The following GPC3 variants were observed in gnomAD, a reference collection of about 807,000 sequenced individuals.
GPC3 encodes the protein glypican-3.
GPC3 carries 3 observed loss-of-function variants against 34.4 expected under a neutral mutation model. The ratio of observed to expected loss-of-function variants is 0.09; its 90% confidence interval spans 0.04 to 0.23. The LOEUF is 0.23. Ranked by LOEUF, GPC3 falls within the 10% of genes least tolerant of loss-of-function variation. The pLI, the probability that GPC3 is intolerant of heterozygous loss-of-function variation, is 1.00. For synonymous variants in GPC3, 177 were observed against 174.0 expected (o/e 1.02, Z -0.13); for missense variants, 351 against 445.6 (o/e 0.79, Z 1.91).
intron 3 of GPC3, among the ~76,000 whole-genome samples, chrX:133,738,366 G>A (rs951379375): frequency 3.6e-5 from 4 of 111,365 alleles, no homozygotes; most frequent in South Asian, 3.8e-4. Context: ...GTGATAACCC[G>A]TAATCCCAAG....
intron 2 of GPC3, among the ~76,000 whole-genome samples, chrX:133,773,818 T>C (rs892689966): frequency 8.1e-5 from 9 of 111,572 alleles, no homozygotes; most frequent in Non-Finnish European, 1.5e-4. Flanking sequence ...GAGTATAGTG[T>C]TGTCTCAAAT....
chrX:133,962,987 C>T (rs2076448000), intron 1 of GPC3, among the ~76,000 whole-genome samples: 1 of 112,085 alleles, frequency 8.9e-6, no homozygotes. Flanking sequence ...AGGGATTGGA[C>T]TAGCAAATCT....
In GPC3 at chrX:133,609,169, C is replaced by T. The variant is rs763454478; in HGVS notation, c.1414-12570G>A. On this transcript the variant is annotated intron_variant, in intron 6 of 7. Coordinates refer to ENST00000370818, the MANE Select transcript of GPC3 (RefSeq NM_004484.4). ...TTAAATATAAAAAACTGGGACATAT[C>T]CTAAAACAGTGCTTTGTTTGGCAAA... is the stretch of plus-strand genomic sequence containing the variant. 3.1e-4 allele frequency among the ~76,000 whole-genome samples: 35 copies of T among 112,121 alleles called. No individual in the cohort carries two copies. In the South Asian group the frequency reaches 8.3e-3, roughly 26 times the overall value.
intron 6 of GPC3, among the ~76,000 whole-genome samples, chrX:133,599,980 T>C (rs1273057232): frequency 1.8e-5 from 2 of 111,745 alleles, no homozygotes; most frequent in Non-Finnish European, 3.8e-5. Context: ...ACAGTCATTA[T>C]AGCTCTCCCT....
chrX:133,618,312 C>T (rs2070188746), intron 6 of GPC3, among the ~76,000 whole-genome samples: 1 of 111,419 alleles, frequency 9.0e-6, no homozygotes, highest in African/African-American at 3.3e-5. Flanking sequence ...AAATATAAGA[C>T]AGATTTTTTT....
At chrX:133,795,456 C>G (rs903700269) in intron 2 of GPC3, among the ~76,000 whole-genome samples, 8 of 111,142 alleles carry the variant, frequency 7.2e-5, no homozygotes, top group Non-Finnish European at 1.1e-4. Context: ...GTTGCAGTGC[C>G]TGGTCAAGGT....
chrX:133,631,918 A>T lies in GPC3; in HGVS notation c.1413+29812T>A, dbSNP rs767722444. 4.4e-3 allele frequency among the ~76,000 whole-genome samples: 454 copies of T among 103,588 alleles called. 2 individuals carry two copies. The highest frequency in any genetic ancestry group is 0.016 in the African/African-American group (432 of 27,169). The allele number at this position is 103,588 out of a possible 115,157, so 90.0% of individuals were successfully genotyped here. ...TGTGCTTGCTGAAGGAGCACGTATT[A>T]AAAAAAAAACAAACTCAAACCAACA... On this transcript the variant is annotated intron_variant, in intron 6 of 7. Transcript: ENST00000370818.
intron 6 of GPC3, among the ~76,000 whole-genome samples, chrX:133,658,511 C>G (rs188157370): frequency 8.9e-6 from 1 of 111,777 alleles, no homozygotes; most frequent in African/African-American, 3.2e-5. Context: ...TCATCATCAT[C>G]ATGACTTTCT....
At chrX:133,558,683 G>C (rs1267983953) in intron 7 of GPC3, among the ~76,000 whole-genome samples, 1 of 110,004 alleles carries the variant, frequency 9.1e-6, no homozygotes, top group African/African-American at 3.3e-5. Flanking sequence ...ACGAGGTCAG[G>C]AGTTCAAGAC....
At chrX:133,801,353 C>T (rs886287501) in intron 2 of GPC3, among the ~76,000 whole-genome samples, 26 of 111,600 alleles carry the variant, frequency 2.3e-4, no homozygotes, top group South Asian at 3.8e-4. Flanking sequence ...TAAGCAATGG[C>T]GCTGTTGCTT....
intron 2 of GPC3, among the ~76,000 whole-genome samples, chrX:133,779,956 G>A (rs918308824): frequency 1.8e-5 from 2 of 111,401 alleles, no homozygotes; most frequent in African/African-American, 6.5e-5. Context: ...GTAATGTGGC[G>A]TTAGATCACA....
chrX:133,624,965 C>T (rs1338806267), intron 6 of GPC3, among the ~76,000 whole-genome samples: 1 of 111,910 alleles, frequency 8.9e-6, no homozygotes, highest in Admixed American at 9.5e-5. Flanking sequence ...AACTTATCCA[C>T]CACGATCAAG....
At chrX:133,797,373 A>G (rs1226987911) in intron 2 of GPC3, among the ~76,000 whole-genome samples, 1 of 111,247 alleles carries the variant, frequency 9.0e-6, no homozygotes, top group Non-Finnish European at 1.9e-5. Context: ...CTTCTGCCAT[A>G]TTTATTACAT....
rs200143633 is a variant in GPC3 at position 133,721,917 on chromosome X, CA to C, written c.1033-21890del. Among the ~76,000 whole-genome samples the C allele has an allele frequency of 1.6e-3, 183 of 111,304 alleles. 1 individual carries two copies. In the East Asian group the frequency reaches 0.021, roughly 13 times the overall value. On this transcript the variant is annotated intron_variant, in intron 3 of 7. Transcript: ENST00000370818. ...ACAATGAAAGCACAAATAACCAAAG[CA>C]AAAAATAGATGAAATGGACTTCATA...
intron 7 of GPC3, among the ~76,000 whole-genome samples, chrX:133,581,742 G>A (rs1211831336): frequency 1.8e-5 from 2 of 112,019 alleles, no homozygotes; most frequent in Non-Finnish European, 3.8e-5. Flanking sequence ...ACTAAGAGGT[G>A]ACACAAAAGT....
intron 2 of GPC3, among the ~76,000 whole-genome samples, chrX:133,929,702 AAAC>A (rs1398207394): frequency 8.9e-6 from 1 of 112,297 alleles, no homozygotes; most frequent in Admixed American, 9.5e-5. Flanking sequence ...TTCTCATAAG[AAAC>A]AGCAGCAGTG....
intron 7 of GPC3, among the ~76,000 whole-genome samples, chrX:133,589,252 T>A (rs1173589126): frequency 8.9e-6 from 1 of 111,949 alleles, no homozygotes; most frequent in Non-Finnish European, 1.9e-5. Context: ...GTAGCTCCCA[T>A]AACTGCCACG....
intron 6 of GPC3, among the ~76,000 whole-genome samples, chrX:133,612,209 G>A (rs963520199): frequency 1.4e-4 from 16 of 111,561 alleles, no homozygotes; most frequent in African/African-American, 4.6e-4. Flanking sequence ...AGGTATGCCC[G>A]CCAGGAATAA....
chrX:133,559,272 T>C (rs184535988), intron 7 of GPC3, among the ~76,000 whole-genome samples: 12 of 111,566 alleles, frequency 1.1e-4, no homozygotes, highest in East Asian at 8.6e-4. Context: ...GGGCCAGGCA[T>C]TGGGGACAGG....
Sources: gnomAD v4.1 joint callset for allele counts (sites outside exome capture counted in the v4.1 genomes callset) on GRCh38, gnomAD v4.1.1 for gene constraint, MANE v1.5 for transcripts, NCBI Gene and HGNC (gene_info 2026-07-23, HGNC 2026-07-21) for gene names.